The following UBE2O variants were observed in gnomAD, a reference collection of about 807,000 sequenced individuals.
The protein encoded by UBE2O is (E3-independent) E2 ubiquitin-conjugating enzyme.
UBE2O carries 15 observed loss-of-function variants against 125.8 expected under a neutral mutation model. The observed-to-expected ratio is 0.12, with a 90% CI of 0.08 to 0.18. The LOEUF is 0.18. Among genes scored for constraint, UBE2O ranks in the 10% least tolerant of loss-of-function variants. The probability of loss-of-function intolerance (pLI) is 1.00; values close to 1 mark genes in which losing one functional copy is unlikely to be tolerated. For missense variants in UBE2O, 1,280 were observed against 1,723.6 expected (o/e 0.74, Z 4.56); for synonymous variants, 708 against 703.2 (o/e 1.01, Z -0.11).
At chr17:76,430,524 A>G (rs1304341127) in intron 1 of UBE2O, 3 of 249,812 alleles carry the variant, frequency 1.2e-5, no homozygotes, top group African/African-American at 4.6e-5. Flanking sequence ...TGTGGAGAGG[A>G]TAACTTGAAG....
In UBE2O at chr17:76,390,365, G is replaced by C. The variant is rs547196685; in HGVS notation, c.*578C>G. 1 of 152,912 alleles carries C rather than the reference G, an allele frequency of 6.5e-6. No homozygotes were observed. The highest frequency in any genetic ancestry group is 2.4e-5 in the African/African-American group (1 of 41,440). The allele number at this position is 152,912 out of a possible 1,614,324, so 9.5% of individuals were successfully genotyped here. A position where few individuals can be genotyped will look rare whatever the true frequency, so the allele number is the denominator to read the frequency against. On this transcript the variant is annotated 3_prime_UTR_variant, in exon 18 of 18. Coordinates refer to ENST00000319380, the MANE Select transcript of UBE2O (RefSeq NM_022066.4). ...CAGGCCTGAGGGCTATAACGTGGTC[G>C]ACAGGCCATGTATAGCCGGGAGTCA...
At chr17:76,436,755 T>C (rs2073003216) in intron 1 of UBE2O, among the ~76,000 whole-genome samples, 1 of 152,160 alleles carries the variant, frequency 6.6e-6, no homozygotes, top group Non-Finnish European at 1.5e-5. Flanking sequence ...ACCCTCCTTC[T>C]GAACAAAATT....
rs905167407 is a variant in UBE2O at position 76,433,713 on chromosome 17, G to GAA, written c.417+19010_417+19011dup. Among the ~76,000 whole-genome samples the GAA allele has an allele frequency of 3.1e-4, 42 of 135,818 alleles. No individual in the cohort carries two copies. The East Asian group carries it at 7.2e-3, about 23-fold the overall frequency. 89.1% of individuals were successfully genotyped at this position (135,818 alleles called of 152,430 possible). On this transcript the variant is annotated intron_variant, in intron 1 of 17. Coordinates refer to ENST00000319380, the MANE Select transcript of UBE2O (RefSeq NM_022066.4). Reference sequence around the variant, plus strand: ...GGTGACAGAGCGAGACTCCATCTCAGAAAAAAAAAAAAGAGAGAGAGAGAT... The same window carrying GAA: ...GGTGACAGAGCGAGACTCCATCTCAGAAAAAAAAAAAAAAGAGAGAGAGAGAT...
At chr17:76,423,013 G>A (rs1330925435) in intron 1 of UBE2O, among the ~76,000 whole-genome samples, 1 of 152,222 alleles carries the variant, frequency 6.6e-6, no homozygotes, top group East Asian at 1.9e-4. Flanking sequence ...ACGGGGAAGT[G>A]TCCCTGCTGA....
At chr17:76,414,401 G>C (rs776798727) in intron 1 of UBE2O, among the ~76,000 whole-genome samples, 1 of 152,232 alleles carries the variant, frequency 6.6e-6, no homozygotes, top group Non-Finnish European at 1.5e-5. Context: ...AATTACACCT[G>C]AAAACAGTTA....
chr17:76,424,031 C>A (rs575596026), intron 1 of UBE2O, among the ~76,000 whole-genome samples: 3 of 151,166 alleles, frequency 2.0e-5, no homozygotes, highest in African/African-American at 7.3e-5. Context: ...CCTCAGCCTC[C>A]TGAGTAGCTG....
In UBE2O at chr17:76,400,506, G is replaced by C. The variant is rs2072301942; in HGVS notation, c.939C>G (p.Phe313Leu). 2 of 1,613,540 alleles carry C rather than the reference G, an allele frequency of 1.2e-6. No homozygotes were observed. The highest frequency in any genetic ancestry group is 2.2e-5 in the South Asian group (2 of 90,964). Reference protein sequence around the residue: ...ELKVTWITKSFCPGGTDSVSP... With the variant: ...ELKVTWITKSLCPGGTDSVSP... ...TGACGCTGTCCGTGCCCCCTGGACA[G>C]AAACTCTTGGTAATCCATGTAACTT... Residue 313 changes from phenylalanine (F) to leucine (L), a missense_variant, in exon 7 of 18, where the codon TTC becomes TTG. This residue lies in a region of UBE2O where 206 missense variants were observed against 315.7 expected (regional missense o/e 0.65). Transcript: ENST00000319380. The surrounding 1 kb of genome is among the most constrained non-coding windows in gnomAD (Gnocchi z 4.3).
intron 1 of UBE2O, among the ~76,000 whole-genome samples, chr17:76,425,480 T>C (rs545875767): frequency 2.0e-4 from 30 of 152,236 alleles, no homozygotes; most frequent in Non-Finnish European, 3.4e-4. Flanking sequence ...TTTGAATATT[T>C]ACCTCCATAC....
At chr17:76,451,829 T>G (rs2073250694) in intron 1 of UBE2O, among the ~76,000 whole-genome samples, 1 of 152,050 alleles carries the variant, frequency 6.6e-6, no homozygotes, top group African/African-American at 2.4e-5. Context: ...ATTCACATTC[T>G]GGAAAACAAG....
intron 3 of UBE2O, among the ~76,000 whole-genome samples, chr17:76,403,400 C>T (rs1319933557): frequency 6.6e-6 from 1 of 152,068 alleles, no homozygotes; most frequent in Non-Finnish European, 1.5e-5. Flanking sequence ...TTCTGAGTAG[C>T]TGGGACTACA....
intron 1 of UBE2O, among the ~76,000 whole-genome samples, chr17:76,448,996 T>C (rs564448486): frequency 5.3e-5 from 8 of 152,362 alleles, no homozygotes; most frequent in African/African-American, 1.9e-4. Flanking sequence ...CTAGCTCCTT[T>C]TGAGTCCTTA....
intron 1 of UBE2O, among the ~76,000 whole-genome samples, chr17:76,425,953 A>G (rs554914891): frequency 2.3e-4 from 35 of 152,272 alleles, no homozygotes; most frequent in African/African-American, 7.0e-4. Flanking sequence ...GGTGAAGAAC[A>G]ACTCCTTCTA....
Position 76,402,759 on chromosome 17 carries a change from C to T in UBE2O, c.589-60G>A. On this transcript the variant is annotated intron_variant, in intron 3 of 17. Transcript: ENST00000319380. The surrounding 1 kb of genome is among the most constrained non-coding windows in gnomAD (Gnocchi z 5.4). Reference sequence around the variant, plus strand: ...GCAGACAACGTTCATGTCCAGGGCACAGATTCCTCTATGCCCCACCGAAGA... The same window carrying T: ...GCAGACAACGTTCATGTCCAGGGCATAGATTCCTCTATGCCCCACCGAAGA... The T allele has an allele frequency of 6.5e-6, 9 of 1,377,654 alleles. No homozygotes were observed. The highest frequency in any genetic ancestry group is 1.2e-5 in the South Asian group (1 of 86,382). 85.3% of individuals were successfully genotyped at this position (1,377,654 alleles called of 1,614,324 possible).
chr17:76,450,542 C>T (rs777664944), intron 1 of UBE2O, among the ~76,000 whole-genome samples: 12 of 152,060 alleles, frequency 7.9e-5, no homozygotes, highest in Admixed American at 1.3e-4. Context: ...AGCCACAAAA[C>T]GGATTTCAAC....
At position 76,410,787 on chromosome 17, in the gene UBE2O, C is replaced by T. The variant is rs945962404; in HGVS notation, c.418-5215G>A. On this transcript the variant is annotated intron_variant, in intron 1 of 17. Coordinates refer to ENST00000319380, the MANE Select transcript of UBE2O (RefSeq NM_022066.4). This position sits in a 1 kb window ranked among gnomAD's most constrained non-coding sequence, Gnocchi z 4.0. Reference sequence around the variant, plus strand: ...GCACTCTCCCTCCACGGCTGCCTGACTCCCAAGGCACATGCTGCTTCTCTG... The same window carrying T: ...GCACTCTCCCTCCACGGCTGCCTGATTCCCAAGGCACATGCTGCTTCTCTG... Among the ~76,000 whole-genome samples the T allele has an allele frequency of 4.7e-4, 71 of 152,244 alleles. No homozygotes were observed. The highest frequency in any genetic ancestry group is 1.6e-3 in the African/African-American group (66 of 41,534).
At chr17:76,434,618 T>G (rs1000841008) in intron 1 of UBE2O, among the ~76,000 whole-genome samples, 9 of 152,110 alleles carry the variant, frequency 5.9e-5, no homozygotes, top group African/African-American at 1.9e-4. Flanking sequence ...GCTTTTGGGT[T>G]GTGGAGAGTC....
At chr17:76,401,968 G>T in intron 5 of UBE2O, 96 bp downstream of exon 5, 2 of 1,268,916 alleles carry the variant, frequency 1.6e-6, no homozygotes, top group South Asian at 1.5e-5. Flanking sequence ...CTAGGAAACC[G>T]CTCTGTTTAG....
At position 76,398,267 on chromosome 17, in the gene UBE2O, G is replaced by A. The variant is rs200006271; in HGVS notation, c.2013C>T (p.His671=). 9 of 1,614,220 alleles carry A rather than the reference G, an allele frequency of 5.6e-6. No individual in the cohort carries two copies. The East Asian group carries it at 2.0e-4, about 36-fold the overall frequency. The change falls in exon 12 of 18, where the codon CAC becomes CAT. Residue 671 remains histidine, a synonymous_variant. Transcript: ENST00000319380. The surrounding 1 kb of genome is among the most constrained non-coding windows in gnomAD (Gnocchi z 5.4). ...RIGNTEDGAP[H]KEDEPSVGQV... is the part of the protein sequence containing the mutation. ...TTTGAAGGCGTACCTCATCCTCCTT[G>A]TGAGGAGCCCCATCCTCAGTATTGC... is the stretch of plus-strand genomic sequence containing the variant.
chr17:76,424,207 C>CCACTAG (rs1567847664), intron 1 of UBE2O, among the ~76,000 whole-genome samples: 1 of 105,284 alleles, frequency 9.5e-6, no homozygotes. Flanking sequence ...CGCGCCCGGC[C>CCACTAG]TTTTTTTTTT....
Sources: allele counts gnomAD v4.1 joint callset (sites outside exome capture counted in the v4.1 genomes callset), GRCh38; gene constraint gnomAD v4.1.1; regional missense constraint gnomAD v4.1.1; non-coding constraint Gnocchi (gnomAD v3.1); transcripts MANE v1.5; gene names NCBI Gene and HGNC (gene_info 2026-07-23, HGNC 2026-07-21).